The following PACRG variants were observed in gnomAD, a reference collection of about 807,000 sequenced individuals.
PACRG encodes the protein parkin coregulated, also known as parkin coregulated gene protein.
In PACRG, 29 loss-of-function variants were observed where a neutral mutation model predicts 29.7. The observed-to-expected ratio is 0.98, with a 90% CI of 0.73 to 1.33. PACRG has a LOEUF of 1.33. Ranked by LOEUF, PACRG falls within the 40% of genes most tolerant of loss-of-function variation. The pLI is 0.00. For missense variants in PACRG, 279 were observed against 316.2 expected, an observed-to-expected ratio of 0.88 and a Z score of 0.89; for synonymous variants, 116 against 118.7, an observed-to-expected ratio of 0.98 and a Z score of 0.15.
chr6:163,023,482 G>A (rs1806834975), intron 2 of PACRG, among the ~76,000 whole-genome samples: 1 of 152,300 alleles, frequency 6.6e-6, no homozygotes, highest in South Asian at 2.1e-4. Flanking sequence ...CTGTTGATGG[G>A]CACCGGGGTT....
At chr6:163,138,187 C>T (rs1397714544) in intron 4 of PACRG, among the ~76,000 whole-genome samples, 1 of 152,216 alleles carries the variant, frequency 6.6e-6, no homozygotes, top group East Asian at 1.9e-4. Context: ...TGATACTTAC[C>T]TGCATTATAA....
At chr6:163,185,647 C>T (rs1047969477) in intron 4 of PACRG, among the ~76,000 whole-genome samples, 2 of 152,258 alleles carry the variant, frequency 1.3e-5, no homozygotes, top group East Asian at 1.9e-4. Context: ...GAGGAAATCG[C>T]GGCATCATCA....
chr6:162,982,935 A>G (rs1304300388), intron 2 of PACRG, among the ~76,000 whole-genome samples: 1 of 151,934 alleles, frequency 6.6e-6, no homozygotes, highest in Non-Finnish European at 1.5e-5. Context: ...GTGTTGCCAT[A>G]TATCTCATTT....
At chr6:162,902,078 T>C (rs1031953608) in intron 2 of PACRG, among the ~76,000 whole-genome samples, 1 of 152,244 alleles carries the variant, frequency 6.6e-6, no homozygotes, top group African/African-American at 2.4e-5. Context: ...TTTGTTTGTT[T>C]TGACAAGAAG....
intron 1 of PACRG, among the ~76,000 whole-genome samples, chr6:162,742,096 C>T (rs1159877011): frequency 6.6e-6 from 1 of 152,162 alleles, no homozygotes; most frequent in Non-Finnish European, 1.5e-5. Flanking sequence ...CCCTTCTACT[C>T]TTTGCTTCTG....
rs79855404 is a variant in PACRG at position 162,883,241 on chromosome 6, C to G, written c.291+68960C>G. The stretch of plus-strand genomic sequence containing the variant: ...TATAAAGGCATATTTACTGATGTTA[C>G]GTAAACTGTCTGGCACATGAAATAT... On this transcript the variant is annotated intron_variant, in intron 2 of 4. Coordinates refer to ENST00000366888, the MANE Select transcript of PACRG (RefSeq NM_001080379.2). 1.5e-3 allele frequency among the ~76,000 whole-genome samples: 226 copies of G among 151,970 alleles called. 2 individuals are homozygous for G. The East Asian group carries it at 0.019, about 12-fold the overall frequency.
At chr6:163,122,627 C>T (rs898904122) in intron 4 of PACRG, among the ~76,000 whole-genome samples, 2 of 152,174 alleles carry the variant, frequency 1.3e-5, no homozygotes, top group Admixed American at 6.5e-5. Flanking sequence ...CCAGATGCAG[C>T]CCCAGAAGTA....
intron 2 of PACRG, among the ~76,000 whole-genome samples, chr6:162,852,966 C>A (rs1791052661): frequency 6.6e-6 from 1 of 152,208 alleles, no homozygotes; most frequent in African/African-American, 2.4e-5. Context: ...CAAAGCCATT[C>A]CCCTTCTCAA....
chr6:162,988,658 A>C (rs1227869814), intron 2 of PACRG, among the ~76,000 whole-genome samples: 2 of 152,182 alleles, frequency 1.3e-5, no homozygotes, highest in Non-Finnish European at 2.9e-5. Flanking sequence ...AGTTTATGCT[A>C]AGGAAACAAC....
At chr6:163,005,575 A>G (rs866312395) in intron 2 of PACRG, among the ~76,000 whole-genome samples, 2 of 151,490 alleles carry the variant, frequency 1.3e-5, no homozygotes, top group African/African-American at 4.8e-5. Flanking sequence ...TTTTCCATCT[A>G]TTTAGGGATT....
At chr6:163,197,444 T>TTTC (rs1562959298) in intron 4 of PACRG, among the ~76,000 whole-genome samples, 19 of 120,938 alleles carry the variant, frequency 1.6e-4, no homozygotes, top group East Asian at 1.2e-3. Flanking sequence ...CTTTTTTTTT[T>TTTC]TTTTTTTTTT....
intron 2 of PACRG, among the ~76,000 whole-genome samples, chr6:162,997,013 A>C: frequency 6.6e-6 from 1 of 152,172 alleles, no homozygotes; most frequent in East Asian, 1.9e-4. Flanking sequence ...ATAAACTAAA[A>C]CATTTTAATG....
At position 162,995,809 on chromosome 6, in the gene PACRG, A is replaced by G. The variant is rs139858758; in HGVS notation, c.292-66341A>G. 5.9e-4 allele frequency among the ~76,000 whole-genome samples: 90 copies of G among 152,332 alleles called. 3 individuals are homozygous for G. In the East Asian group the frequency reaches 0.017, roughly 29 times the overall value. Reference sequence around the variant, plus strand: ...CTGAGTAATATCCTGTTGTGTGTATATACTACATATTCTTTACCCATCCAT... The same window carrying G: ...CTGAGTAATATCCTGTTGTGTGTATGTACTACATATTCTTTACCCATCCAT... On this transcript the variant is annotated intron_variant, in intron 2 of 4. Transcript: ENST00000366888.
chr6:162,748,281 A>G (rs753463749), intron 1 of PACRG, among the ~76,000 whole-genome samples: 6 of 152,184 alleles, frequency 3.9e-5, no homozygotes, highest in Non-Finnish European at 5.9e-5. Context: ...ACCTGAGGTC[A>G]GGAGTTTGAA....
At chr6:162,900,156 T>C (rs978389588) in intron 2 of PACRG, among the ~76,000 whole-genome samples, 1 of 151,922 alleles carries the variant, frequency 6.6e-6, no homozygotes, top group African/African-American at 2.4e-5. Context: ...CGAGAACTGA[T>C]GCGCTGGTAT....
chr6:162,824,721 T>C (rs1277910029), intron 2 of PACRG, among the ~76,000 whole-genome samples: 5 of 152,204 alleles, frequency 3.3e-5, no homozygotes, highest in Admixed American at 6.5e-5. Flanking sequence ...TGAGTACTTA[T>C]AATGGGAAAG....
chr6:162,731,428 G>A (rs1053179007), intron 1 of PACRG, among the ~76,000 whole-genome samples: 2 of 151,822 alleles, frequency 1.3e-5, no homozygotes, highest in African/African-American at 4.8e-5. Context: ...CTAAACAATA[G>A]AGCATAGCAA....
At position 163,269,960 on chromosome 6, in the gene PACRG, AAAGAAAGAAAGAAAG is replaced by A. The variant is rs1783745714; in HGVS notation, c.614-44864_614-44850del. 6.3e-5 allele frequency among the ~76,000 whole-genome samples: 5 copies of A among 79,440 alleles called. 2 individuals carry two copies. The allele number at this position is 79,440 out of a possible 152,430, so 52.1% of individuals were successfully genotyped here. A position where few individuals can be genotyped will look rare whatever the true frequency, so the allele number is the denominator to read the frequency against. On this transcript the variant is annotated intron_variant, in intron 4 of 4. Transcript: ENST00000366888. ...GAAAGAAAGAAAGAAAGAAAGAAAG[AAAGAAAGAAAGAAAG>A]AAAGAAAGAAAGAAAGAAAGAAAGA... is the stretch of plus-strand genomic sequence containing the variant.
intron 2 of PACRG, among the ~76,000 whole-genome samples, chr6:162,958,034 G>A (rs1408164297): frequency 6.6e-6 from 1 of 152,144 alleles, no homozygotes; most frequent in African/African-American, 2.4e-5. Flanking sequence ...AGTGAGAAGG[G>A]AAAGCCATTG....
Sources: gnomAD v4.1 joint callset for allele counts (sites outside exome capture counted in the v4.1 genomes callset) on GRCh38, gnomAD v4.1.1 for gene constraint, MANE v1.5 for transcripts, NCBI Gene and HGNC (gene_info 2026-07-23, HGNC 2026-07-21) for gene names.